Variants in HGD observed in about 807,000 individuals in gnomAD.
HGD encodes the protein homogentisate oxidase.
HGD carries 61 observed loss-of-function variants against 60.8 expected under a neutral mutation model. The ratio of observed to expected loss-of-function variants is 1.00; its 90% CI spans 0.82 to 1.24. The LOEUF is 1.24. HGD is among the 50% of genes most tolerant of loss of function. The probability of loss-of-function intolerance (pLI) is 0.00; values close to 1 mark genes in which losing one functional copy is unlikely to be tolerated. For synonymous variants in HGD, 212 were observed against 187.7 expected, an observed-to-expected ratio of 1.13 and a Z score of -1.06; for missense variants, 542 against 547.1, an observed-to-expected ratio of 0.99 and a Z score of 0.09.
intron 1 of HGD, among the ~76,000 whole-genome samples, chr3:120,679,090 C>A (rs1041977648): frequency 7.2e-5 from 11 of 152,246 alleles, no homozygotes; most frequent in African/African-American, 2.7e-4. Context: ...TATATGCATA[C>A]TTTCTAAATG....
At chr3:120,658,350 T>C (rs1425678199) in intron 4 of HGD, among the ~76,000 whole-genome samples, 4 of 152,206 alleles carry the variant, frequency 2.6e-5, no homozygotes, top group African/African-American at 4.8e-5. Flanking sequence ...ATAGGCCCCG[T>C]GCATGTCTGA....
intron 5 of HGD, among the ~76,000 whole-genome samples, 199 bp downstream of exon 5, chr3:120,652,393 T>A (rs547177870): frequency 2.6e-5 from 4 of 152,272 alleles, no homozygotes; most frequent in African/African-American, 7.2e-5. Context: ...AGTTCATGAA[T>A]ACCCTCTGGT....
chr3:120,644,620 C>A, intron 9 of HGD, 177 bp from the exon 10 acceptor site: 3 of 1,530,862 alleles, frequency 2.0e-6, no homozygotes, highest in Non-Finnish European at 2.6e-6. Context: ...CCCAAGGAAT[C>A]TGGTCAGAAA....
chr3:120,657,855 A>AAGAG (rs1191019099), intron 4 of HGD, among the ~76,000 whole-genome samples: 4 of 151,244 alleles, frequency 2.6e-5, no homozygotes, highest in Middle Eastern at 6.8e-3. Flanking sequence ...GAGAGAAAGA[A>AAGAG]AGAGAGAGAG....
chr3:120,641,677 T>C lies in HGD; in HGVS notation c.791A>G (p.Asn264Ser), dbSNP rs1469714335. Residue 264 changes from asparagine (N) to serine (S), a missense_variant, in exon 11 of 14, where the codon AAT becomes AGT. Around this residue, in one of 2 missense-constraint regions of HGD, gnomAD observed 537 missense variants for 529.1 expected, o/e 1.01. Coordinates refer to ENST00000283871, the MANE Select transcript of HGD (RefSeq NM_000187.4). ...FAAKQDVSPF[N>S]VVAWHGNYTP... is the part of the protein sequence containing the mutation. ...ATAATTCCCGTGCCAGGCCACAACA[T>C]TGAACGGGGAGACATCCTAAACACA... 10 of 1,612,864 alleles carry C rather than the reference T, an allele frequency of 6.2e-6. No individual in the cohort carries two copies. Among genetic ancestry groups the C allele is most frequent in the African/African-American group, 1.3e-5 (1 of 74,904 alleles).
intron 1 of HGD, among the ~76,000 whole-genome samples, chr3:120,681,687 C>T (rs1338068491): frequency 1.3e-5 from 2 of 152,084 alleles, no homozygotes; most frequent in Admixed American, 6.6e-5. Context: ...TGATTCAGAG[C>T]CTTAATTAAC....
chr3:120,666,379 A>G (rs1353521084), intron 4 of HGD, among the ~76,000 whole-genome samples: 1 of 152,166 alleles, frequency 6.6e-6, no homozygotes, highest in Non-Finnish European at 1.5e-5. Flanking sequence ...CATTCTAACC[A>G]TAGGTTAGAA....
chr3:120,647,915 A>G lies in HGD; in HGVS notation c.435-4T>C. On this transcript the variant is annotated splice_region_variant and splice_polypyrimidine_tract_variant and intron_variant, in intron 6 of 13. Transcript: ENST00000283871. The stretch of plus-strand genomic sequence containing the variant: ...CCCATCTGAATTGTAAAAGCATCTG[A>G]AACATATAGAGTAATTCTTGTGATT... 2 of 1,606,640 alleles carry G rather than the reference A, an allele frequency of 1.2e-6. No individual in the cohort carries two copies. Among genetic ancestry groups the G allele is most frequent in the Non-Finnish European group, 1.7e-6 (2 of 1,173,128 alleles).
rs930633139 is a variant in HGD at position 120,649,235 on chromosome 3, C to T, written c.435-1324G>A. On this transcript the variant is annotated intron_variant, in intron 6 of 13. Transcript: ENST00000283871. ...TCGGTTCACTGCAACCTCCGCCTCC[C>T]GGGTTCAAGCAATTCTCCTTTTTCA... Among the ~76,000 whole-genome samples the T allele has an allele frequency of 2.6e-4, 39 of 149,400 alleles. 1 individual carries two copies. The highest frequency in any genetic ancestry group is 2.4e-3 in the Admixed American group (36 of 14,752).
At position 120,638,625 on chromosome 3, in the gene HGD, G is replaced by C. The variant is rs200635581; in HGVS notation, c.880-44C>G. ...AGACTGAACGCATGATGCAAGGGAAGTGACTGGACAATGACACACATTTCA... is the reference window on the plus strand; with the variant it reads ...AGACTGAACGCATGATGCAAGGGAACTGACTGGACAATGACACACATTTCA... On this transcript the variant is annotated intron_variant, in intron 11 of 13. Transcript: ENST00000283871. 8.7e-6 allele frequency: 14 copies of C among 1,611,426 alleles called. No homozygotes were observed. In the African/African-American group the frequency reaches 1.9e-4, roughly 21 times the overall value.
intron 9 of HGD, among the ~76,000 whole-genome samples, chr3:120,645,050 AAAACTT>A (rs1941117758): frequency 6.6e-6 from 1 of 152,226 alleles, no homozygotes; most frequent in African/African-American, 2.4e-5. Flanking sequence ...CCAAACATGA[AAAACTT>A]AAGTGCAAAA....
chr3:120,650,175 A>T (rs939191322), intron 6 of HGD, among the ~76,000 whole-genome samples: 2 of 152,230 alleles, frequency 1.3e-5, no homozygotes, highest in Non-Finnish European at 1.5e-5. Flanking sequence ...TCAACCTGCA[A>T]CTACAGAGTT....
chr3:120,637,701 A>G (rs547642365), intron 12 of HGD, among the ~76,000 whole-genome samples: 35 of 152,250 alleles, frequency 2.3e-4, no homozygotes, highest in Middle Eastern at 3.4e-3. Flanking sequence ...ACAACAGACT[A>G]ACTAACAACC....
rs1940481319 is a variant in HGD, at chr3:120,628,259, T to C, written c.*121A>G. ...CGTTTCCATAAAAGTTCTGAGTTAC[T>C]TGACTATGAAAAGTGAATTTTCATT... On this transcript the variant is annotated 3_prime_UTR_variant, in exon 14 of 14. Coordinates refer to ENST00000283871, the MANE Select transcript of HGD (RefSeq NM_000187.4). 1 of 1,131,520 alleles carries C rather than the reference T, an allele frequency of 8.8e-7. No individual in the cohort carries two copies. Among genetic ancestry groups the C allele is most frequent in the Non-Finnish European group, 1.3e-6 (1 of 751,696 alleles). The allele number at this position is 1,131,520 out of a possible 1,614,324, so 70.1% of individuals were successfully genotyped here.
intron 13 of HGD, among the ~76,000 whole-genome samples, chr3:120,630,825 T>TATACAC (rs1491569082): frequency 0.16 from 17,040 of 103,846 alleles, 1,384 homozygotes; most frequent in Non-Finnish European, 0.21. Context: ...TATATATATA[T>TATACAC]ACACATACAC....
At chr3:120,630,487 C>T (rs561508677) in intron 13 of HGD, among the ~76,000 whole-genome samples, 11 of 151,934 alleles carry the variant, frequency 7.2e-5, no homozygotes, top group East Asian at 1.9e-4. Context: ...TATAACCATC[C>T]GATTTTCAAT....
intron 12 of HGD, among the ~76,000 whole-genome samples, chr3:120,636,829 T>C (rs1940797698): frequency 6.6e-6 from 1 of 152,154 alleles, no homozygotes; most frequent in Non-Finnish European, 1.5e-5. Context: ...CAGTGCACTG[T>C]TGTGTTCTGT....
In HGD at chr3:120,646,307, G is replaced by A; in HGVS notation, c.609C>T (p.Val203=). The change falls in exon 9 of 14, where the codon GTC becomes GTT. Residue 203 remains valine, a synonymous_variant. Transcript: ENST00000283871. ...CAGGTAACTCAAAGTGGACACCATA[G>A]ACCTCCAAGATGTAGCCCCTGGTCT... is the stretch of plus-strand genomic sequence containing the variant. The part of the protein sequence containing the change: ...FEETRGYILE[V]YGVHFELPDL... The A allele has an allele frequency of 6.2e-7, 1 of 1,613,486 alleles. No individual in the cohort carries two copies. Among genetic ancestry groups the A allele is most frequent in the South Asian group, 1.1e-5 (1 of 91,078 alleles).
At chr3:120,657,963 T>G (rs1941548403) in intron 4 of HGD, among the ~76,000 whole-genome samples, 1 of 152,272 alleles carries the variant, frequency 6.6e-6, no homozygotes, top group South Asian at 2.1e-4. Flanking sequence ...GCTAAACCAT[T>G]CATGAGAAAC....
Sources: gnomAD v4.1 joint callset for allele counts (sites outside exome capture counted in the v4.1 genomes callset) on GRCh38, gnomAD v4.1.1 for gene constraint, gnomAD v4.1.1 regional missense constraint, MANE v1.5 for transcripts, NCBI Gene and HGNC (gene_info 2026-07-23, HGNC 2026-07-21) for gene names.